FBXW11: variants seen among roughly 807,000 people sequenced by gnomAD.
FBXW11 encodes the protein F-box and WD repeat domain containing 11.
Under a neutral mutation model 77.6 loss-of-function variants are expected in FBXW11, and 19 were observed. The observed-to-expected ratio is 0.24, with a 90% CI of 0.17 to 0.36. The LOEUF (loss-of-function observed/expected upper bound fraction) is 0.36, where lower values mean the gene tolerates loss of function less well. Ranked by LOEUF, FBXW11 falls within the 10% of genes least tolerant of loss-of-function variation. FBXW11 has a pLI of 1.00. For synonymous variants in FBXW11, 235 were observed against 249.4 expected, an observed-to-expected ratio of 0.94 and a Z score of 0.54; for missense variants, 334 against 704.2, an observed-to-expected ratio of 0.47 and a Z score of 5.95.
rs766478978 is a variant in FBXW11 at position 171,910,815 on chromosome 5, A to C, written c.211-18T>G. 23 of 1,488,728 alleles carry C rather than the reference A, an allele frequency of 1.5e-5. No homozygotes were observed. Among genetic ancestry groups the C allele is most frequent in the Non-Finnish European group, 2.1e-5 (23 of 1,108,666 alleles). 92.2% of individuals were successfully genotyped at this position (1,488,728 alleles called of 1,614,324 possible). ...TTACTTATCTATTTTAGAAAAACAA[A>C]AAAAAAATTAGTTTAACAAGGAAAG... is the stretch of plus-strand genomic sequence containing the variant. On this transcript the variant is annotated intron_variant, in intron 3 of 13. Coordinates refer to ENST00000517395, the MANE Select transcript of FBXW11 (RefSeq NM_001378974.1).
At chr5:171,968,726 C>G (rs1221970889) in intron 1 of FBXW11, among the ~76,000 whole-genome samples, 1 of 152,170 alleles carries the variant, frequency 6.6e-6, no homozygotes, top group Admixed American at 6.5e-5. Context: ...CTCATTTATA[C>G]TAGTGCCCCT....
intron 1 of FBXW11, among the ~76,000 whole-genome samples, chr5:171,984,494 T>C (rs964668343): frequency 6.6e-6 from 1 of 152,160 alleles, no homozygotes; most frequent in African/African-American, 2.4e-5. Flanking sequence ...CTGGAGGTAA[T>C]ACTAAATATC....
At chr5:171,898,437 T>A (rs965827277) in intron 6 of FBXW11, among the ~76,000 whole-genome samples, 3 of 152,178 alleles carry the variant, frequency 2.0e-5, no homozygotes, top group African/African-American at 7.2e-5. Context: ...TTAGAACACA[T>A]GAACGATATC....
At chr5:171,980,466 T>A (rs1157956405) in intron 1 of FBXW11, among the ~76,000 whole-genome samples, 2 of 152,190 alleles carry the variant, frequency 1.3e-5, no homozygotes, top group Admixed American at 6.6e-5. Context: ...GTCTGCAATA[T>A]ACGCATCTGA....
At chr5:171,977,536 A>T (rs984594265) in intron 1 of FBXW11, 1 of 438,332 alleles carries the variant, frequency 2.3e-6, no homozygotes, top group Admixed American at 2.5e-5. Context: ...CTAGCAGGGG[A>T]TTACGCAATA....
chr5:171,864,654 T>C (rs1040200082), intron 13 of FBXW11, among the ~76,000 whole-genome samples: 16 of 152,190 alleles, frequency 1.1e-4, no homozygotes, highest in African/African-American at 3.9e-4. Flanking sequence ...AAGTAAATCA[T>C]TGGTAAAACA....
intron 4 of FBXW11, among the ~76,000 whole-genome samples, chr5:171,901,510 T>C (rs1760112117): frequency 6.6e-6 from 1 of 152,224 alleles, no homozygotes; most frequent in South Asian, 2.1e-4. Flanking sequence ...CTTCATATAC[T>C]AAAATTCTCT....
At chr5:171,966,530 G>C (rs1434638692) in intron 1 of FBXW11, among the ~76,000 whole-genome samples, 1 of 152,178 alleles carries the variant, frequency 6.6e-6, no homozygotes, top group Non-Finnish European at 1.5e-5. Flanking sequence ...TTCCGGCATA[G>C]CCACATGGAT....
intron 1 of FBXW11, among the ~76,000 whole-genome samples, chr5:171,968,631 T>C (rs1223519013): frequency 1.3e-5 from 2 of 152,160 alleles, no homozygotes; most frequent in African/African-American, 2.4e-5. Context: ...CCATACCGCA[T>C]GACATCTGAG....
intron 2 of FBXW11, among the ~76,000 whole-genome samples, chr5:171,930,279 C>T (rs1762100530): frequency 1.3e-5 from 2 of 152,094 alleles, no homozygotes; most frequent in African/African-American, 4.8e-5. Context: ...ATTTCCTCAA[C>T]GTGATAAAGA....
At chr5:171,932,010 G>A (rs529270167) in intron 2 of FBXW11, among the ~76,000 whole-genome samples, 2 of 151,846 alleles carry the variant, frequency 1.3e-5, no homozygotes, top group African/African-American at 4.8e-5. Flanking sequence ...GAGTAGCTGC[G>A]ACCACAGGGG....
intron 1 of FBXW11, among the ~76,000 whole-genome samples, chr5:171,993,385 G>A (rs551410599): frequency 7.2e-5 from 11 of 152,070 alleles, no homozygotes; most frequent in African/African-American, 1.9e-4. Context: ...AGGCCCAGGC[G>A]GGTGGATCAC....
At position 171,869,195 on chromosome 5, in the gene FBXW11, G is replaced by A. The variant is rs1429562475; in HGVS notation, c.1531-399C>T. On this transcript the variant is annotated intron_variant, in intron 12 of 13. Coordinates refer to ENST00000517395, the MANE Select transcript of FBXW11 (RefSeq NM_001378974.1). The surrounding 1 kb of genome is among the most constrained non-coding windows in gnomAD (Gnocchi z 4.1). The stretch of plus-strand genomic sequence containing the variant: ...TGCTGCCAGCATCAAAATTCATGGT[G>A]AAATAATAATATAAGAGTTCCCATT... Among the ~76,000 whole-genome samples the A allele has an allele frequency of 6.6e-6, 1 of 152,186 alleles. No individual in the cohort carries two copies. Among genetic ancestry groups the A allele is most frequent in the East Asian group, 1.9e-4 (1 of 5,202 alleles).
chr5:171,903,759 C>T (rs1214978103), intron 4 of FBXW11, among the ~76,000 whole-genome samples: 2 of 152,042 alleles, frequency 1.3e-5, no homozygotes, highest in African/African-American at 4.8e-5. Context: ...GATCCTCCTG[C>T]CTCAGCCTCC....
At chr5:171,900,957 TA>T (rs1162270908) in intron 4 of FBXW11, among the ~76,000 whole-genome samples, 1 of 152,194 alleles carries the variant, frequency 6.6e-6, no homozygotes, top group East Asian at 1.9e-4. Flanking sequence ...CCTGTGGCGG[TA>T]AGTATGTCTT....
intron 2 of FBXW11, among the ~76,000 whole-genome samples, chr5:171,940,160 G>C (rs949176267): frequency 3.9e-5 from 6 of 152,266 alleles, no homozygotes; most frequent in African/African-American, 1.2e-4. Context: ...TTCTGGGGTT[G>C]AGCAAGTGAG....
At chr5:171,972,629 C>T (rs1764602175) in intron 1 of FBXW11, among the ~76,000 whole-genome samples, 1 of 151,678 alleles carries the variant, frequency 6.6e-6, no homozygotes, top group Non-Finnish European at 1.5e-5. Context: ...ACTGCAACCT[C>T]CGCTTCCTGG....
chr5:172,006,514 C>T lies in FBXW11; in HGVS notation c.-12G>A. The stretch of plus-strand genomic sequence containing the variant: ...GAGTCGGGCTCCATGGCGGCCCCGG[C>T]GGCCCCGCCTCGCTCTCCCCGCGCA... On this transcript the variant is annotated 5_prime_UTR_variant, in exon 1 of 14. Coordinates refer to ENST00000517395, the MANE Select transcript of FBXW11 (RefSeq NM_001378974.1). 6.6e-7 allele frequency: 1 copy of T among 1,504,982 alleles called. No homozygotes were observed. 93.2% of individuals were successfully genotyped at this position (1,504,982 alleles called of 1,614,324 possible).
chr5:171,956,453 T>C (rs2113311584), intron 2 of FBXW11, among the ~76,000 whole-genome samples: 1 of 152,302 alleles, frequency 6.6e-6, no homozygotes, highest in Non-Finnish European at 1.5e-5. Context: ...TCCAGTTAAC[T>C]GTGTTAGTGA....
Sources: gnomAD v4.1 joint callset for allele counts (sites outside exome capture counted in the v4.1 genomes callset) on GRCh38, gnomAD v4.1.1 for gene constraint, Gnocchi (gnomAD v3.1) non-coding constraint, MANE v1.5 for transcripts, NCBI Gene and HGNC (gene_info 2026-07-23, HGNC 2026-07-21) for gene names.